FBRSL1: variants seen among roughly 807,000 people sequenced by gnomAD.
FBRSL1 encodes fibrosin like 1.
In FBRSL1, 51 loss-of-function variants were observed where a neutral mutation model predicts 89.6. The ratio of observed to expected loss-of-function variants is 0.57; its 90% confidence interval spans 0.45 to 0.72. The LOEUF is 0.72. Ranked by LOEUF, FBRSL1 falls within the 30% of genes least tolerant of loss-of-function variation. The pLI is 0.00. For missense variants in FBRSL1, 1,618 were observed against 1,451.8 expected (o/e 1.11, Z -1.86); for synonymous variants, 779 against 681.1 (o/e 1.14, Z -2.24).
At chr12:132,566,935 G>A (rs967209377) in intron 5 of FBRSL1, among the ~76,000 whole-genome samples, 4 of 152,218 alleles carry the variant, frequency 2.6e-5, no homozygotes, top group African/African-American at 2.4e-5. Context: ...CAGCCGGCCC[G>A]GGAGCATAGC....
intron 3 of FBRSL1, 90 bp downstream of exon 3, chr12:132,525,913 G>A: frequency 1.8e-6 from 2 of 1,097,866 alleles, no homozygotes; most frequent in South Asian, 1.5e-5. Context: ...CCGAGTCTGG[G>A]CCGCCTGCCC....
At position 132,544,656 on chromosome 12, in the gene FBRSL1, C is replaced by T. The variant is rs565633545; in HGVS notation, c.616-3347C>T. Among the ~76,000 whole-genome samples, 205 of 151,608 alleles carry T rather than the reference C, an allele frequency of 1.4e-3. 1 individual carries two copies. Among genetic ancestry groups the T allele is most frequent in the African/African-American group, 4.7e-3 (195 of 41,302 alleles). On this transcript the variant is annotated intron_variant, in intron 4 of 18. Transcript: ENST00000680143. ...GTTGAGGATGGTGACGTGAGGACGG[C>T]GATACTGATGATCATGGTGGTGGTA... is the stretch of plus-strand genomic sequence containing the variant.
In FBRSL1 at chr12:132,509,644, G is replaced by A. The variant is rs2034098699; in HGVS notation, c.489+1294G>A. The A allele has an allele frequency of 7.3e-6, 9 of 1,231,544 alleles. No homozygotes were observed. The Admixed American group carries it at 1.7e-4, about 23-fold the overall frequency. 76.3% of individuals were successfully genotyped at this position (1,231,544 alleles called of 1,614,324 possible). ...CTGGTCCCCTGCCTCTACTGCCGGC[G>A]CCTGCGGTTCCTCCTGGCCCCAAGG... On this transcript the variant is annotated intron_variant, in intron 2 of 18. Coordinates refer to ENST00000680143, the MANE Select transcript of FBRSL1 (RefSeq NM_001367871.1).
chr12:132,580,606 T>G (rs961932286), intron 15 of FBRSL1, among the ~76,000 whole-genome samples: 1 of 152,246 alleles, frequency 6.6e-6, no homozygotes, highest in African/African-American at 2.4e-5. Flanking sequence ...TGGGGCAGGC[T>G]GTCTTCCTCT....
intron 4 of FBRSL1, among the ~76,000 whole-genome samples, chr12:132,540,897 A>G (rs2037203952): frequency 6.6e-6 from 1 of 152,194 alleles, no homozygotes; most frequent in Admixed American, 6.5e-5. Flanking sequence ...ACAGCTGAAG[A>G]AAGTTATTTC....
At chr12:132,510,044 A>G in intron 2 of FBRSL1, 3 of 1,230,882 alleles carry the variant, frequency 2.4e-6, no homozygotes, top group African/African-American at 1.6e-5. Flanking sequence ...AGCCCGGCCC[A>G]CTCACGCCTT....
chr12:132,563,011 ACC>A (rs2039271020), intron 5 of FBRSL1, among the ~76,000 whole-genome samples: 42 of 57,170 alleles, frequency 7.3e-4, no homozygotes, highest in East Asian at 3.6e-3. Flanking sequence ...TGCACCCCAC[ACC>A]TGGCCCCCAC....
chr12:132,562,288 CTTCT>C (rs1479168559), intron 5 of FBRSL1, among the ~76,000 whole-genome samples: 2 of 152,082 alleles, frequency 1.3e-5, no homozygotes, highest in African/African-American at 4.8e-5. Context: ...GGTTCCTGTC[CTTCT>C]TTCTTTGTAA....
At chr12:132,516,680 A>C (rs1423869418) in intron 2 of FBRSL1, among the ~76,000 whole-genome samples, 2 of 152,166 alleles carry the variant, frequency 1.3e-5, no homozygotes, top group Admixed American at 6.5e-5. Context: ...CCCTGTAACT[A>C]TTCCCATTTG....
intron 4 of FBRSL1, among the ~76,000 whole-genome samples, chr12:132,534,296 A>G (rs1174345227): frequency 6.6e-6 from 1 of 152,202 alleles, no homozygotes; most frequent in Non-Finnish European, 1.5e-5. Flanking sequence ...AGGTGAAGGG[A>G]GTGTCTGCGT....
At chr12:132,554,942 G>C (rs1425154153) in intron 5 of FBRSL1, 2 of 152,214 alleles carry the variant, frequency 1.3e-5, no homozygotes. Flanking sequence ...GTGAGACTCT[G>C]TCTCCAAAAA....
Position 132,574,117 on chromosome 12 carries a change from C to G in FBRSL1, c.1558C>G (p.Arg520Gly). 7.4e-7 allele frequency: 1 copy of G among 1,358,284 alleles called. No individual in the cohort carries two copies. Among genetic ancestry groups the G allele is most frequent in the Non-Finnish European group, 9.4e-7 (1 of 1,060,788 alleles). The allele number at this position is 1,358,284 out of a possible 1,614,324, so 84.1% of individuals were successfully genotyped here. A position where few individuals can be genotyped will look rare whatever the true frequency, so the allele number is the denominator to read the frequency against. ...TTCAAGCCCCATTGAGGTGGCCCGC[C>G]GGGCTGGTGCGGTTCACACACTCCT... ...KTSSPIEVAR[R>G]AGAVHTLLQK... The change falls in exon 12 of 19, where the codon CGG becomes GGG. Residue 520 changes from arginine to glycine, a missense_variant. Physicochemically the swap from Arg to Gly is moderately radical, Grantham distance 125 (BLOSUM62 -2). Coordinates refer to ENST00000680143, the MANE Select transcript of FBRSL1 (RefSeq NM_001367871.1).
Position 132,575,148 on chromosome 12 carries a change from C to T in FBRSL1, c.1701+584C>T, listed in dbSNP as rs948481847. 5.9e-5 allele frequency among the ~76,000 whole-genome samples: 9 copies of T among 152,314 alleles called. 1 individual carries two copies. In the South Asian group the frequency reaches 1.0e-3, roughly 18 times the overall value. On this transcript the variant is annotated intron_variant, in intron 14 of 18. Transcript: ENST00000680143. Reference sequence around the variant, plus strand: ...TGCTGTCCCTGCGCTGTCCTGATGACGCACGTCACCTCCGCACACAACTCT... The same window carrying T: ...TGCTGTCCCTGCGCTGTCCTGATGATGCACGTCACCTCCGCACACAACTCT...
chr12:132,498,841 A>G (rs904916260), intron 1 of FBRSL1, among the ~76,000 whole-genome samples: 7 of 152,184 alleles, frequency 4.6e-5, no homozygotes, highest in Admixed American at 2.0e-4. Flanking sequence ...AGCTGCAGCT[A>G]CCCTGTGTGA....
intron 1 of FBRSL1, among the ~76,000 whole-genome samples, chr12:132,493,799 G>A (rs530018949): frequency 6.6e-6 from 1 of 152,348 alleles, no homozygotes; most frequent in African/African-American, 2.4e-5. Context: ...TCCTGTAGGG[G>A]AGGAGGAGTC....
Position 132,583,209 on chromosome 12 carries a change from G to C in FBRSL1, c.2440G>C (p.Val814Leu). 1.4e-6 allele frequency: 2 copies of C among 1,436,996 alleles called. No homozygotes were observed. Among genetic ancestry groups the C allele is most frequent in the Non-Finnish European group, 1.8e-6 (2 of 1,097,376 alleles). 89.0% of individuals were successfully genotyped at this position (1,436,996 alleles called of 1,614,324 possible). ...CAAGGCGGCCCCTGGAGACGTGAAG[G>C]TCAAGGAGGAGCGCGGGGAGGACGA... ...HSKAAPGDVK[V>L]KEERGEDEAS... The change falls in exon 19 of 19, where the codon GTC becomes CTC. Residue 814 changes from valine (V) to leucine (L), a missense_variant. Physicochemically the swap from Val to Leu is conservative, Grantham distance 32 (BLOSUM62 1). Transcript: ENST00000680143.
intron 14 of FBRSL1, among the ~76,000 whole-genome samples, chr12:132,576,337 C>G (rs529044941): frequency 1.4e-4 from 21 of 152,032 alleles, no homozygotes; most frequent in Admixed American, 1.2e-3. Context: ...GGATTACAGG[C>G]GCCCGCCACT....
At chr12:132,571,399 C>T (rs760701483) in intron 9 of FBRSL1, 168 bp downstream of exon 9, 16 of 1,550,840 alleles carry the variant, frequency 1.0e-5, no homozygotes, top group African/African-American at 6.8e-5. Flanking sequence ...GGCTCTGCTG[C>T]GGGCGGAGTT....
At position 132,571,151 on chromosome 12, in the gene FBRSL1, G is replaced by A. The variant is rs1262506125; in HGVS notation, c.1297G>A (p.Ala433Thr). Residue 433 changes from alanine to threonine, a missense_variant, in exon 9 of 19, where the codon GCT (alanine) becomes ACT (threonine). Ala to Thr is a moderately conservative substitution (Grantham distance 58). Coordinates refer to ENST00000680143, the MANE Select transcript of FBRSL1 (RefSeq NM_001367871.1). Reference protein sequence around the residue: ...SGILIGTWSQAPLLPAPLGPH... With the variant: ...SGILIGTWSQTPLLPAPLGPH... ...AATTCTGATTGGTACTTGGTCACAG[G>A]CTCCTCTCTTACCTGCACCCCTGGG... 42 of 1,398,830 alleles carry A rather than the reference G, an allele frequency of 3.0e-5. No homozygotes were observed. The highest frequency in any genetic ancestry group is 3.5e-5 in the Non-Finnish European group (38 of 1,077,044). The allele number at this position is 1,398,830 out of a possible 1,614,324, so 86.7% of individuals were successfully genotyped here.
Sources: allele counts gnomAD v4.1 joint callset (sites outside exome capture counted in the v4.1 genomes callset), GRCh38; gene constraint gnomAD v4.1.1; transcripts MANE v1.5; gene names NCBI Gene and HGNC (gene_info 2026-07-23, HGNC 2026-07-21).